Variants in MCPH1 observed in about 807,000 individuals in gnomAD.
The protein encoded by MCPH1 is microcephalin.
MCPH1 carries 104 observed loss-of-function variants against 84.5 expected under a neutral mutation model. The ratio of observed to expected loss-of-function variants is 1.23; its 90% CI spans 1.05 to 1.45. The LOEUF (loss-of-function observed/expected upper bound fraction) is 1.45. Among genes scored for constraint, MCPH1 ranks in the 40% most tolerant of loss-of-function variants. The pLI is 0.00. For synonymous variants in MCPH1, 514 were observed against 366.8 expected (o/e 1.40, Z -4.58); for missense variants, 1,498 against 1,005.7 (o/e 1.49, Z -6.62).
At position 6,632,323 on chromosome 8, in the gene MCPH1, G is replaced by A. The variant is rs529584626; in HGVS notation, c.2452+10632G>A. On this transcript the variant is annotated intron_variant, in intron 13 of 13. Transcript: ENST00000344683. ...CCACTGAAGTGGACACTTAAAAATA[G>A]CTAATATGGTAAATTTTATGTTATG... 2.0e-5 allele frequency among the ~76,000 whole-genome samples: 3 copies of A among 152,228 alleles called. No homozygotes were observed. The South Asian group carries it at 6.2e-4, about 32-fold the overall frequency.
At chr8:6,456,022 G>A (rs982772026) in intron 9 of MCPH1, among the ~76,000 whole-genome samples, 1 of 152,100 alleles carries the variant, frequency 6.6e-6, no homozygotes, top group Non-Finnish European at 1.5e-5. Flanking sequence ...TTTGACCTGC[G>A]GAAGAGAAAC....
Position 6,626,753 on chromosome 8 carries a change from G to T in MCPH1, c.2452+5062G>T, listed in dbSNP as rs1461949473. On this transcript the variant is annotated intron_variant, in intron 13 of 13. Coordinates refer to ENST00000344683, the MANE Select transcript of MCPH1 (RefSeq NM_024596.5). The stretch of plus-strand genomic sequence containing the variant: ...TGGGGTGAGGATCACAAGCCCTTGG[G>T]TGGAGCTCTGAGCCCTGGCGCGGTC... The T allele has an allele frequency of 3.0e-6, 3 of 985,180 alleles. No individual in the cohort carries two copies. In the African/African-American group the frequency reaches 5.2e-5, roughly 17 times the overall value. 61.0% of individuals were successfully genotyped at this position (985,180 alleles called of 1,614,324 possible). A position where few individuals can be genotyped will look rare whatever the true frequency, so the allele number is the denominator to read the frequency against.
intron 12 of MCPH1, among the ~76,000 whole-genome samples, chr8:6,512,817 A>G (rs901970680): frequency 6.6e-6 from 1 of 152,228 alleles, no homozygotes; most frequent in Non-Finnish European, 1.5e-5. Flanking sequence ...GGTGAGGACA[A>G]GGTAAACACC....
In MCPH1 at chr8:6,446,477, T is replaced by A. The variant is rs112136101; in HGVS notation, c.1825+930T>A. 1.9e-3 allele frequency: 1,837 copies of A among 985,192 alleles called. 29 individuals are homozygous for A. In the African/African-American group the frequency reaches 0.029, roughly 16 times the overall value. 61.0% of individuals were successfully genotyped at this position (985,192 alleles called of 1,614,324 possible). ...TGAGTATACGCTCCCCAAAATTGTT[T>A]CACAAAAAGAATGAAAATAATTTTA... On this transcript the variant is annotated intron_variant, in intron 8 of 13. Coordinates refer to ENST00000344683, the MANE Select transcript of MCPH1 (RefSeq NM_024596.5).
intron 12 of MCPH1, among the ~76,000 whole-genome samples, chr8:6,531,273 GTTTC>G (rs558112004): frequency 5.2e-4 from 78 of 150,114 alleles, no homozygotes; most frequent in Middle Eastern, 3.4e-3. Context: ...TATTTTACTA[GTTTC>G]TTTCTTTCTT....
chr8:6,519,218 G>A (rs752287461), intron 12 of MCPH1, among the ~76,000 whole-genome samples: 10 of 152,104 alleles, frequency 6.6e-5, no homozygotes, highest in South Asian at 4.1e-4. Context: ...AGAATCCTGC[G>A]TGTCCCTCAG....
chr8:6,599,503 A>C (rs1271104112), intron 12 of MCPH1, among the ~76,000 whole-genome samples: 2 of 152,242 alleles, frequency 1.3e-5, no homozygotes, highest in Non-Finnish European at 2.9e-5. Flanking sequence ...TTTGCCAAAG[A>C]AAATGTTGGA....
intron 9 of MCPH1, among the ~76,000 whole-genome samples, chr8:6,466,488 C>A (rs1274266998): frequency 2.0e-5 from 3 of 152,060 alleles, no homozygotes; most frequent in African/African-American, 7.2e-5. Flanking sequence ...TTTGTATTTT[C>A]GGTAGCAACG....
Position 6,417,399 on chromosome 8 carries a change from C to G in MCPH1, c.233+2516C>G, listed in dbSNP as rs536056841. Among the ~76,000 whole-genome samples the G allele has an allele frequency of 4.8e-3, 371 of 78,052 alleles. 1 individual carries two copies. Among genetic ancestry groups the G allele is most frequent in the African/African-American group, 9.5e-3 (345 of 36,472 alleles). The allele number at this position is 78,052 out of a possible 152,430, so 51.2% of individuals were successfully genotyped here. ...ACAAATGCTTGTGTCTGTGTGGCAGCAAACTTTACTTATAAGTCTGGCAGG... is the reference window on the plus strand; with the variant it reads ...ACAAATGCTTGTGTCTGTGTGGCAGGAAACTTTACTTATAAGTCTGGCAGG... On this transcript the variant is annotated intron_variant, in intron 3 of 13. Transcript: ENST00000344683.
intron 12 of MCPH1, chr8:6,562,928 G>A: frequency 6.3e-7 from 1 of 1,584,544 alleles, no homozygotes; most frequent in Non-Finnish European, 8.6e-7. Context: ...AAAACAATCT[G>A]CCACATTCTT....
At chr8:6,474,276 A>C in intron 9 of MCPH1, 1 of 537,024 alleles carries the variant, frequency 1.9e-6, no homozygotes, top group South Asian at 2.1e-5. Flanking sequence ...ATGTATTTCA[A>C]TCCTGATTTT....
At chr8:6,525,310 G>T (rs1373213649) in intron 12 of MCPH1, among the ~76,000 whole-genome samples, 1 of 152,136 alleles carries the variant, frequency 6.6e-6, no homozygotes, top group Non-Finnish European at 1.5e-5. Context: ...GCCCAGGTTG[G>T]TATCAAACTC....
chr8:6,442,194 T>A, intron 7 of MCPH1, 38 bp downstream of exon 7: 1 of 1,294,966 alleles, frequency 7.7e-7, no homozygotes, highest in Non-Finnish European at 1.1e-6. Flanking sequence ...TATGTTTAAG[T>A]TTTGAGAATA....
chr8:6,637,007 C>T (rs1209223745), intron 13 of MCPH1, among the ~76,000 whole-genome samples: 2 of 152,198 alleles, frequency 1.3e-5, no homozygotes, highest in African/African-American at 4.8e-5. Context: ...TGAATGTCTC[C>T]AGTCAAATAT....
chr8:6,511,637 CT>C (rs1436502777), intron 12 of MCPH1, among the ~76,000 whole-genome samples: 1 of 152,150 alleles, frequency 6.6e-6, no homozygotes, highest in Non-Finnish European at 1.5e-5. Flanking sequence ...TCACAGTTCT[CT>C]TATCATGCTA....
Position 6,645,855 on chromosome 8 carries a change from T to C in MCPH1, c.*2806T>C, listed in dbSNP as rs777525248. Reference sequence around the variant, plus strand: ...TCTGTATACTGAAACCTGTAAAACATTGCTGAAAGAAGTTAAAGACTTCTT... The same window carrying C: ...TCTGTATACTGAAACCTGTAAAACACTGCTGAAAGAAGTTAAAGACTTCTT... On this transcript the variant is annotated 3_prime_UTR_variant, in exon 14 of 14. Transcript: ENST00000344683. The C allele has an allele frequency of 6.6e-6, 1 of 152,132 alleles. No homozygotes were observed. Among genetic ancestry groups the C allele is most frequent in the Non-Finnish European group, 1.5e-5 (1 of 68,018 alleles). 9.4% of individuals were successfully genotyped at this position (152,132 alleles called of 1,614,324 possible).
chr8:6,527,150 C>T (rs901400862), intron 12 of MCPH1, among the ~76,000 whole-genome samples: 5 of 152,152 alleles, frequency 3.3e-5, no homozygotes, highest in African/African-American at 1.2e-4. Flanking sequence ...CTCCACAGCA[C>T]TAGCTGTATT....
chr8:6,625,431 G>C (rs1237318639), intron 13 of MCPH1: 3 of 985,320 alleles, frequency 3.0e-6, no homozygotes, highest in South Asian at 9.4e-5. Flanking sequence ...TATAACAAAT[G>C]CTTCTCTGGA....
chr8:6,617,286 T>TTC (rs1414662609), intron 12 of MCPH1: 1 of 150,350 alleles, frequency 6.7e-6, no homozygotes, highest in East Asian at 1.9e-4. Context: ...TGTTTTTTTT[T>TTC]TTGTTTTTTT....
Sources: gnomAD v4.1 joint callset for allele counts (sites outside exome capture counted in the v4.1 genomes callset) on GRCh38, gnomAD v4.1.1 for gene constraint, MANE v1.5 for transcripts, NCBI Gene and HGNC (gene_info 2026-07-23, HGNC 2026-07-21) for gene names.